Variants in PHEX observed in about 807,000 individuals in gnomAD.
PHEX encodes the protein phosphate-regulating neutral endopeptidase PHEX.
A neutral mutation model predicts 68.0 loss-of-function variants in PHEX; 16 were observed. The observed-to-expected ratio is 0.24, with a 90% CI of 0.16 to 0.36. The LOEUF (loss-of-function observed/expected upper bound fraction) is 0.36, where lower values mean the gene tolerates loss of function less well. Ranked by LOEUF, PHEX falls within the 10% of genes least tolerant of loss-of-function variation. PHEX has a pLI of 1.00. For missense variants in PHEX, 480 were observed against 575.5 expected, an observed-to-expected ratio of 0.83 and a Z score of 1.70; for synonymous variants, 208 against 205.1, an observed-to-expected ratio of 1.01 and a Z score of -0.12.
At chrX:22,161,010 C>T (rs1933106044) in intron 12 of PHEX, among the ~76,000 whole-genome samples, 2 of 109,723 alleles carry the variant, frequency 1.8e-5, no homozygotes, top group South Asian at 8.2e-4. Context: ...TGGTGCATGC[C>T]TGTAATCCCA....
At chrX:22,120,119 A>G (rs1394751776) in intron 11 of PHEX, among the ~76,000 whole-genome samples, 1 of 111,862 alleles carries the variant, frequency 8.9e-6, no homozygotes, top group Non-Finnish European at 1.9e-5. Context: ...AGGTTTAACT[A>G]GCTGTCTGGT....
intron 3 of PHEX, among the ~76,000 whole-genome samples, chrX:22,048,731 T>C (rs1455944652): frequency 8.9e-6 from 1 of 112,121 alleles, no homozygotes; most frequent in Non-Finnish European, 1.9e-5. Flanking sequence ...TCCTTCAAAA[T>C]CAATAGAAAT....
At chrX:22,214,965 A>G (rs1029557290) in intron 16 of PHEX, among the ~76,000 whole-genome samples, 3 of 111,821 alleles carry the variant, frequency 2.7e-5, no homozygotes, top group Non-Finnish European at 3.8e-5. Context: ...ATATATATCT[A>G]AAAAATTAAA....
At chrX:22,213,047 T>G in intron 16 of PHEX, 89 bp downstream of exon 16, 2 of 732,867 alleles carry the variant, frequency 2.7e-6, no homozygotes, top group Non-Finnish European at 4.4e-6. Flanking sequence ...AGTCAAAGGT[T>G]ATTCAGCAGA....
chrX:22,103,594 C>A (rs1930527056), intron 9 of PHEX, among the ~76,000 whole-genome samples: 1 of 112,040 alleles, frequency 8.9e-6, no homozygotes, highest in Non-Finnish European at 1.9e-5. Context: ...TTAGAATAAT[C>A]ATCTTCAGCT....
intron 13 of PHEX, among the ~76,000 whole-genome samples, chrX:22,177,642 C>G (rs1257553036): frequency 8.9e-6 from 1 of 112,178 alleles, no homozygotes; most frequent in East Asian, 2.8e-4. Context: ...AAGCTATAAT[C>G]TATGATTTGC....
intron 18 of PHEX, among the ~76,000 whole-genome samples, chrX:22,224,947 A>AATTCTCATACAGCGCTGTATGATTT (rs1935398083): frequency 4.3e-5 from 1 of 23,246 alleles, no homozygotes; most frequent in African/African-American, 1.7e-4. Flanking sequence ...AAATAACATA[A>AATTCTCATACAGCGCTGTATGATTT]ATTATCATAC....
chrX:22,158,719 A>G (rs1171350426), intron 12 of PHEX, among the ~76,000 whole-genome samples: 1 of 112,352 alleles, frequency 8.9e-6, no homozygotes, highest in Non-Finnish European at 1.9e-5. Flanking sequence ...TATAAAAAGT[A>G]GATGCCATTT....
intron 14 of PHEX, among the ~76,000 whole-genome samples, chrX:22,187,093 C>A (rs965266493): frequency 8.9e-6 from 1 of 111,966 alleles, no homozygotes; most frequent in African/African-American, 3.2e-5. Context: ...ACAACCTAAG[C>A]AGCTTAAAAC....
At chrX:22,176,379 T>TCA (rs1933693373) in intron 13 of PHEX, among the ~76,000 whole-genome samples, 1 of 60,143 alleles carries the variant, frequency 1.7e-5, no homozygotes. Flanking sequence ...AGAGCGAGAC[T>TCA]GTCTCAAAAA....
rs1199148036 is a variant in PHEX, at chrX:22,046,781, G to A, written c.188-269G>A. Among the ~76,000 whole-genome samples the A allele has an allele frequency of 3.6e-5, 4 of 110,268 alleles. No individual in the cohort carries two copies. In the East Asian group the frequency reaches 1.1e-3, roughly 31 times the overall value. ...GGGTTTTCACCATGTTGGCCAGACT[G>A]GTCTCAAACTCCTGACCTGAGGTGG... is the stretch of plus-strand genomic sequence containing the variant. On this transcript the variant is annotated intron_variant, in intron 2 of 21. Transcript: ENST00000379374.
At position 22,248,026 on chromosome X, in the gene PHEX, C is replaced by T. The variant is rs1936444126; in HGVS notation, c.*73C>T. The T allele has an allele frequency of 4.0e-6, 3 of 745,774 alleles. No individual in the cohort carries two copies. The highest frequency in any genetic ancestry group is 4.2e-5 in the African/African-American group (2 of 48,065). 61.5% of individuals were successfully genotyped at this position (745,774 alleles called of 1,213,427 possible). On this transcript the variant is annotated 3_prime_UTR_variant, in exon 22 of 22. Coordinates refer to ENST00000379374, the MANE Select transcript of PHEX (RefSeq NM_000444.6). The stretch of plus-strand genomic sequence containing the variant: ...GGAGGCTGCACTGAGCCTTCATCGC[C>T]CATTGCTTTAGGCCTGGAGACTTTC...
At chrX:22,074,533 T>G (rs1929059097) in intron 3 of PHEX, among the ~76,000 whole-genome samples, 1 of 110,933 alleles carries the variant, frequency 9.0e-6, no homozygotes, top group Admixed American at 9.7e-5. Context: ...TAGTTTTTTT[T>G]GCTCCTGTGG....
chrX:22,188,842 T>C (rs1438832337), intron 14 of PHEX, among the ~76,000 whole-genome samples: 1 of 111,521 alleles, frequency 9.0e-6, no homozygotes, highest in African/African-American at 3.3e-5. Flanking sequence ...AAATACTAGG[T>C]CTTATTCATT....
At chrX:22,176,402 A>AATATATAT (rs1174350162) in intron 13 of PHEX, among the ~76,000 whole-genome samples, 4 of 57,837 alleles carry the variant, frequency 6.9e-5, no homozygotes, top group East Asian at 4.8e-4. Flanking sequence ...AAAAAAAAAA[A>AATATATAT]ATATATATAT....
At chrX:22,110,917 C>T (rs1462922963) in intron 9 of PHEX, among the ~76,000 whole-genome samples, 1 of 111,920 alleles carries the variant, frequency 8.9e-6, no homozygotes, top group Non-Finnish European at 1.9e-5. Context: ...GCTCACCATG[C>T]TCACTCACAC....
At chrX:22,051,215 G>T (rs1196581306) in intron 3 of PHEX, among the ~76,000 whole-genome samples, 1 of 112,587 alleles carries the variant, frequency 8.9e-6, no homozygotes, top group Non-Finnish European at 1.9e-5. Context: ...CTTAAAATTA[G>T]TATTTTTTAA....
At chrX:22,046,987 G>A in intron 2 of PHEX, 63 bp from the exon 3 acceptor site, 1 of 974,028 alleles carries the variant, frequency 1.0e-6, no homozygotes, top group Non-Finnish European at 1.5e-6. Flanking sequence ...TGTTTAATTT[G>A]GAAAAGAACA....
chrX:22,091,782 A>G (rs572684533), intron 6 of PHEX, among the ~76,000 whole-genome samples: 6 of 112,124 alleles, frequency 5.4e-5, no homozygotes, highest in Non-Finnish European at 1.1e-4. Context: ...TTTATAAAGG[A>G]AAGAGGTTTA....
Sources: gnomAD v4.1 joint callset for allele counts (sites outside exome capture counted in the v4.1 genomes callset) on GRCh38, gnomAD v4.1.1 for gene constraint, MANE v1.5 for transcripts, NCBI Gene and HGNC (gene_info 2026-07-23, HGNC 2026-07-21) for gene names.